Variants in ACTN2 observed in about 807,000 individuals in gnomAD.
ACTN2 encodes the protein alpha-actinin-2.
ACTN2 carries 39 observed loss-of-function variants against 113.8 expected under a neutral mutation model. The ratio of observed to expected loss-of-function variants is 0.34; its 90% CI spans 0.27 to 0.45. ACTN2 has a LOEUF of 0.45. Ranked by LOEUF, ACTN2 falls within the 20% of genes least tolerant of loss-of-function variation. ACTN2 has a pLI of 1.00. For missense variants in ACTN2, 992 were observed against 1,177.9 expected, an observed-to-expected ratio of 0.84 and a Z score of 2.31; for synonymous variants, 429 against 444.1, an observed-to-expected ratio of 0.97 and a Z score of 0.43.
chr1:236,729,430 T>C (rs1374596945), intron 6 of ACTN2, among the ~76,000 whole-genome samples: 1 of 152,204 alleles, frequency 6.6e-6, no homozygotes, highest in Non-Finnish European at 1.5e-5. Flanking sequence ...TCCTGCCGGG[T>C]GCTGGTGTGC....
Position 236,695,894 on chromosome 1 carries a change from T to A in ACTN2, c.126+9095T>A, listed in dbSNP as rs112354425. 1.7e-3 allele frequency among the ~76,000 whole-genome samples: 259 copies of A among 152,310 alleles called. 1 individual carries two copies. Among genetic ancestry groups the A allele is most frequent in the African/African-American group, 5.8e-3 (242 of 41,562 alleles). ...ATAGTCTTTAGAAATTATTATACAC[T>A]GAAAACAGATTCTTATTAGTATCCA... On this transcript the variant is annotated intron_variant, in intron 1 of 20. Coordinates refer to ENST00000366578, the MANE Select transcript of ACTN2 (RefSeq NM_001103.4).
chr1:236,715,274 A>G (rs1221153085), intron 1 of ACTN2, among the ~76,000 whole-genome samples: 2 of 150,546 alleles, frequency 1.3e-5, no homozygotes, highest in Non-Finnish European at 3.0e-5. Context: ...GTCATTTAAC[A>G]TTAGGTATCT....
At chr1:236,691,955 C>T (rs1666099894) in intron 1 of ACTN2, among the ~76,000 whole-genome samples, 1 of 152,226 alleles carries the variant, frequency 6.6e-6, no homozygotes, top group Non-Finnish European at 1.5e-5. Flanking sequence ...TTATAGAGGG[C>T]CTGGGATGCT....
intron 1 of ACTN2, among the ~76,000 whole-genome samples, chr1:236,715,307 C>CT (rs200507791): frequency 0.022 from 2,103 of 96,510 alleles, 23 homozygotes; most frequent in Middle Eastern, 0.12. Context: ...TCCCTCCCCC[C>CT]TCCCCCCACC....
intron 1 of ACTN2, among the ~76,000 whole-genome samples, chr1:236,715,526 A>G (rs1057495992): frequency 8.5e-5 from 13 of 152,218 alleles, no homozygotes; most frequent in African/African-American, 1.4e-4. Context: ...ACTACTAGCC[A>G]TATGTGGCTT....
At chr1:236,758,488 G>A (rs527252452) in intron 18 of ACTN2, among the ~76,000 whole-genome samples, 30 of 138,032 alleles carry the variant, frequency 2.2e-4, no homozygotes, top group Admixed American at 6.8e-4. Flanking sequence ...ACGGGGTTTC[G>A]CCATGTTAGG....
chr1:236,740,405 C>T (rs1285163725), intron 10 of ACTN2, among the ~76,000 whole-genome samples: 7 of 152,072 alleles, frequency 4.6e-5, no homozygotes, highest in South Asian at 4.1e-4. Flanking sequence ...TGAGCCACCA[C>T]GCCCAGCCCC....
At chr1:236,709,290 G>T (rs12122587) in intron 1 of ACTN2, among the ~76,000 whole-genome samples, 2 of 85,010 alleles carry the variant, frequency 2.4e-5, no homozygotes, top group Admixed American at 1.3e-4. Flanking sequence ...GTATATATAT[G>T]TATATATGTA....
At chr1:236,695,149 A>C (rs1457860176) in intron 1 of ACTN2, among the ~76,000 whole-genome samples, 1 of 150,792 alleles carries the variant, frequency 6.6e-6, no homozygotes, top group African/African-American at 2.4e-5. Context: ...GGTGAATCAG[A>C]TGAGGCCAGG....
chr1:236,734,580 A>C (rs558706982), intron 7 of ACTN2: 3 of 1,284,994 alleles, frequency 2.3e-6, no homozygotes, highest in South Asian at 2.7e-5. Context: ...ATTTTTTTTC[A>C]ATTGTTTTCC....
chr1:236,762,473 G>A lies in ACTN2; in HGVS notation c.2539G>A (p.Ala847Thr), dbSNP rs1064796605. 6.2e-7 allele frequency: 1 copy of A among 1,614,112 alleles called. No individual in the cohort carries two copies. The highest frequency in any genetic ancestry group is 8.5e-7 in the Non-Finnish European group (1 of 1,179,986). The change falls in exon 21 of 21, where the codon GCG (alanine) becomes ACG (threonine). Residue 847 changes from alanine (A) to threonine (T), a missense_variant. Around this residue, in one of 3 missense-constraint regions of ACTN2, gnomAD observed 736 missense variants for 815.4 expected, o/e 0.90. Coordinates refer to ENST00000366578, the MANE Select transcript of ACTN2 (RefSeq NM_001103.4). ...ILASDKPYIL[A>T]EELRRELPPD... is the part of the protein sequence containing the mutation. ...TATTTTTTCCCAGCCATACATCCTG[G>A]CGGAGGAGCTGCGTCGGGAGCTGCC... is the stretch of plus-strand genomic sequence containing the variant.
chr1:236,723,956 G>A (rs771814675), intron 4 of ACTN2, among the ~76,000 whole-genome samples: 6 of 152,108 alleles, frequency 3.9e-5, no homozygotes, highest in African/African-American at 1.2e-4. Context: ...GATGTGTGTC[G>A]GTTTGGGTCC....
intron 1 of ACTN2, among the ~76,000 whole-genome samples, chr1:236,701,193 T>C (rs1004208941): frequency 5.9e-5 from 9 of 152,204 alleles, no homozygotes; most frequent in African/African-American, 2.2e-4. Context: ...CTCCCTGTTC[T>C]GAGGACATAC....
intron 14 of ACTN2, among the ~76,000 whole-genome samples, 159 bp from the exon 15 acceptor site, chr1:236,751,311 T>C (rs538467134): frequency 6.6e-6 from 1 of 152,300 alleles, no homozygotes; most frequent in East Asian, 1.9e-4. Context: ...TTGACTTCTG[T>C]GTACCTAAAG....
In ACTN2 at chr1:236,725,788, T is replaced by G; in HGVS notation, c.449-145T>G. 7 of 769,184 alleles carry G rather than the reference T, an allele frequency of 9.1e-6. No individual in the cohort carries two copies. The South Asian group carries it at 9.7e-5, about 11-fold the overall frequency. 47.6% of individuals were successfully genotyped at this position (769,184 alleles called of 1,614,324 possible). A position where few individuals can be genotyped will look rare whatever the true frequency, so the allele number is the denominator to read the frequency against. On this transcript the variant is annotated intron_variant, in intron 4 of 20. Coordinates refer to ENST00000366578, the MANE Select transcript of ACTN2 (RefSeq NM_001103.4). Reference sequence around the variant, plus strand: ...AGAATTTACTCACCAAGATCAGGGTTCTGGCTCCTATGCACTTGCCGAGGC... The same window carrying G: ...AGAATTTACTCACCAAGATCAGGGTGCTGGCTCCTATGCACTTGCCGAGGC...
rs553877876 is a variant in ACTN2, at chr1:236,763,447, G to T, written c.*828G>T. 2 of 152,456 alleles carry T rather than the reference G, an allele frequency of 1.3e-5. 1 individual carries two copies. Among genetic ancestry groups the T allele is most frequent in the South Asian group, 4.2e-4 (2 of 4,818 alleles). 9.4% of individuals were successfully genotyped at this position (152,456 alleles called of 1,614,324 possible). ...AGCTTATTAGTACAGGTTCTCAAGAGATGACCACATAAAAGTGCTCTGTTT... is the reference window on the plus strand; with the variant it reads ...AGCTTATTAGTACAGGTTCTCAAGATATGACCACATAAAAGTGCTCTGTTT... On this transcript the variant is annotated 3_prime_UTR_variant, in exon 21 of 21. Coordinates refer to ENST00000366578, the MANE Select transcript of ACTN2 (RefSeq NM_001103.4).
chr1:236,698,505 G>A (rs6428966), intron 1 of ACTN2, among the ~76,000 whole-genome samples: 141,930 of 152,284 alleles, frequency 0.93, 66,241 homozygotes, highest in African/African-American at 0.96. Context: ...TATTCAGGTG[G>A]TCAGATTAGA....
At chr1:236,698,224 T>TA (rs11439443) in intron 1 of ACTN2, among the ~76,000 whole-genome samples, 137,073 of 147,434 alleles carry the variant, frequency 0.93, 63,854 homozygotes, top group South Asian at 0.99. Flanking sequence ...TAAGATGCCT[T>TA]AAAAAAAAAA....
rs376923220 is a variant in ACTN2 at position 236,744,754 on chromosome 1, G to A, written c.1384G>A (p.Ala462Thr). The change falls in exon 12 of 21, where the codon GCA becomes ACA. Residue 462 changes from alanine (A) to threonine (T), a missense_variant. Physicochemically the swap from Ala to Thr is moderately conservative, Grantham distance 58. Transcript: ENST00000366578. ...GCACCAGGACCGCGTGGAGCAGATC[G>A]CAGCCATCGCGCAGGAGCTCAAGTA... The part of the protein sequence containing the change: ...AAHQDRVEQI[A>T]AIAQELNELD... 3.7e-6 allele frequency: 6 copies of A among 1,614,110 alleles called. No individual in the cohort carries two copies. In the South Asian group the frequency reaches 4.4e-5, roughly 12 times the overall value.
Sources: allele counts gnomAD v4.1 joint callset (sites outside exome capture counted in the v4.1 genomes callset), GRCh38; gene constraint gnomAD v4.1.1; regional missense constraint gnomAD v4.1.1; transcripts MANE v1.5; gene names NCBI Gene and HGNC (gene_info 2026-07-23, HGNC 2026-07-21).